CSMD1: variants seen among roughly 807,000 people sequenced by gnomAD.
CSMD1 encodes the protein CUB and Sushi multiple domains 1.
A neutral mutation model predicts 417.5 loss-of-function variants in CSMD1; 213 were observed. The ratio of observed to expected loss-of-function variants is 0.51; its 90% CI spans 0.46 to 0.57. The LOEUF (loss-of-function observed/expected upper bound fraction) is 0.57. CSMD1 is among the 20% of genes least tolerant of loss of function. CSMD1 has a pLI of 0.00. For missense variants in CSMD1, 6,923 were observed against 4,529.7 expected (o/e 1.53, Z -15.17); for synonymous variants, 2,862 against 1,736.8 (o/e 1.65, Z -16.11).
intron 23 of CSMD1, among the ~76,000 whole-genome samples, chr8:3,320,358 C>G (rs945402771): frequency 3.5e-4 from 53 of 152,196 alleles, no homozygotes; most frequent in African/African-American, 1.2e-3. Flanking sequence ...GTGAAGGGCA[C>G]TGCTTATTGC....
At chr8:3,066,562 T>C (rs1329244864) in intron 49 of CSMD1, among the ~76,000 whole-genome samples, 1 of 152,194 alleles carries the variant, frequency 6.6e-6, no homozygotes, top group African/African-American at 2.4e-5. Context: ...TTCCTTGTGA[T>C]ATTTTGTCTT....
intron 5 of CSMD1, among the ~76,000 whole-genome samples, chr8:3,995,552 A>G (rs1444435243): frequency 2.0e-5 from 3 of 152,216 alleles, no homozygotes; most frequent in Non-Finnish European, 4.4e-5. Context: ...GGGGCTATAC[A>G]TAGAGAGAAG....
At chr8:4,077,816 A>T (rs1363064395) in intron 3 of CSMD1, among the ~76,000 whole-genome samples, 1 of 152,248 alleles carries the variant, frequency 6.6e-6, no homozygotes, top group African/African-American at 2.4e-5. Context: ...GTTCCATGGG[A>T]ATTTTCAGAT....
intron 1 of CSMD1, among the ~76,000 whole-genome samples, chr8:4,924,359 G>C (rs4626621): frequency 0.32 from 48,409 of 151,310 alleles, 8,218 homozygotes; most frequent in Middle Eastern, 0.42. Context: ...AACGTTTTCT[G>C]TTCTATTTTT....
At chr8:4,597,396 G>A (rs1002309472) in intron 2 of CSMD1, among the ~76,000 whole-genome samples, 4 of 152,060 alleles carry the variant, frequency 2.6e-5, no homozygotes, top group African/African-American at 9.7e-5. Context: ...ACCTGACCAA[G>A]GTTAAATATC....
At chr8:3,553,357 CT>C (rs1228586820) in intron 10 of CSMD1, among the ~76,000 whole-genome samples, 5 of 152,076 alleles carry the variant, frequency 3.3e-5, no homozygotes, top group Non-Finnish European at 7.4e-5. Flanking sequence ...CATTAACTGC[CT>C]TTTTTAGATA....
At chr8:4,843,214 C>T (rs754797319) in intron 1 of CSMD1, among the ~76,000 whole-genome samples, 8 of 152,256 alleles carry the variant, frequency 5.3e-5, no homozygotes, top group Non-Finnish European at 7.4e-5. Context: ...TGGAACAGGG[C>T]GCTTTCCTGC....
At chr8:4,167,795 G>C (rs975198953) in intron 3 of CSMD1, among the ~76,000 whole-genome samples, 1 of 152,100 alleles carries the variant, frequency 6.6e-6, no homozygotes, top group African/African-American at 2.4e-5. Context: ...TTTGAGACTA[G>C]CCTGGGCAAC....
chr8:3,548,665 C>CACAA (rs1554465280), intron 10 of CSMD1, among the ~76,000 whole-genome samples: 3 of 140,176 alleles, frequency 2.1e-5, no homozygotes, highest in Non-Finnish European at 4.8e-5. Flanking sequence ...ATCATACACA[C>CACAA]ACACACACAC....
chr8:3,078,062 C>T (rs11993468), intron 49 of CSMD1, among the ~76,000 whole-genome samples: 53,329 of 152,042 alleles, frequency 0.35, 9,483 homozygotes, highest in East Asian at 0.42. Context: ...TATTTCTCAA[C>T]GCGAAGCACA....
At chr8:3,283,079 C>A (rs186762410) in intron 26 of CSMD1, among the ~76,000 whole-genome samples, 97 of 152,286 alleles carry the variant, frequency 6.4e-4, no homozygotes, top group African/African-American at 2.2e-3. Context: ...AAAATGGCAA[C>A]TATCTTTAGG....
intron 1 of CSMD1, among the ~76,000 whole-genome samples, chr8:4,881,523 C>T (rs1220098634): frequency 1.7e-5 from 2 of 120,208 alleles, no homozygotes; most frequent in Admixed American, 1.0e-4. Flanking sequence ...AGGTCAGAAA[C>T]TCGAAGTTAG....
At chr8:3,327,321 G>C (rs1806598164) in intron 23 of CSMD1, among the ~76,000 whole-genome samples, 1 of 152,016 alleles carries the variant, frequency 6.6e-6, no homozygotes, top group Admixed American at 6.6e-5. Context: ...TTTTTGTAGA[G>C]ATGGGGTTTC....
chr8:4,951,789 A>G (rs1002863343), intron 1 of CSMD1, among the ~76,000 whole-genome samples: 1 of 151,868 alleles, frequency 6.6e-6, no homozygotes, highest in African/African-American at 2.4e-5. Flanking sequence ...ATCTCTGGTG[A>G]AAGATATTTC....
intron 5 of CSMD1, 81 bp from the exon 6 acceptor site, chr8:3,754,123 G>A (rs1008856299): frequency 1.6e-5 from 13 of 820,994 alleles, no homozygotes; most frequent in African/African-American, 3.4e-5. Context: ...TTTGAAATCC[G>A]ATTACTTAAA....
intron 5 of CSMD1, among the ~76,000 whole-genome samples, chr8:3,923,454 A>G (rs1043569137): frequency 3.3e-5 from 5 of 152,046 alleles, no homozygotes; most frequent in Admixed American, 3.3e-4. Flanking sequence ...TGCTTATTAT[A>G]TCTGCATTGC....
intron 3 of CSMD1, among the ~76,000 whole-genome samples, chr8:4,342,881 T>G (rs1210796637): frequency 6.6e-6 from 1 of 151,940 alleles, no homozygotes; most frequent in Non-Finnish European, 1.5e-5. Context: ...ATGTGACATA[T>G]CAGGAGAAGC....
At chr8:4,950,955 C>T (rs1585393668) in intron 1 of CSMD1, among the ~76,000 whole-genome samples, 1 of 145,142 alleles carries the variant, frequency 6.9e-6, no homozygotes, top group East Asian at 2.0e-4. Flanking sequence ...AACTTGGAGA[C>T]TTGTGGTAAA....
At chr8:4,761,828 G>C (rs1022813616) in intron 1 of CSMD1, among the ~76,000 whole-genome samples, 3 of 147,188 alleles carry the variant, frequency 2.0e-5, no homozygotes, top group South Asian at 2.2e-4. Flanking sequence ...TAGCAAAATA[G>C]TACCATGCAT....
Sources: allele counts gnomAD v4.1 joint callset (sites outside exome capture counted in the v4.1 genomes callset), GRCh38; gene constraint gnomAD v4.1.1; transcripts MANE v1.5; gene names NCBI Gene and HGNC (gene_info 2026-07-23, HGNC 2026-07-21).